MRC2: variants seen among roughly 807,000 people sequenced by gnomAD.
MRC2 encodes mannose receptor C-type 2, also known as C-type mannose receptor 2.
MRC2 carries 84 observed loss-of-function variants against 206.2 expected under a neutral mutation model. The observed-to-expected ratio is 0.41, with a 90% CI of 0.34 to 0.49. The LOEUF (loss-of-function observed/expected upper bound fraction) is 0.49, where lower values mean the gene tolerates loss of function less well. MRC2 is among the 20% of genes least tolerant of loss of function. The pLI, the probability that MRC2 is intolerant of heterozygous loss-of-function variation, is 0.31. For missense variants in MRC2, 1,676 were observed against 2,001.5 expected, an observed-to-expected ratio of 0.84 and a Z score of 3.10; for synonymous variants, 798 against 800.0, an observed-to-expected ratio of 1.00 and a Z score of 0.04.
chr17:62,650,347 G>A (rs554576328), intron 1 of MRC2, among the ~76,000 whole-genome samples: 34 of 152,344 alleles, frequency 2.2e-4, no homozygotes, highest in African/African-American at 7.5e-4. Context: ...GTGGCAAACC[G>A]GTGAGCCCAC....
Position 62,640,993 on chromosome 17 carries a change from C to A in MRC2, c.118+13073C>A, listed in dbSNP as rs548922732. On this transcript the variant is annotated intron_variant, in intron 1 of 29. Transcript: ENST00000303375. ...AAAGTGCTGAGATTACAGGCGTGAG[C>A]CACTGTGCCCGGCCTAATTTTTTTT... Among the ~76,000 whole-genome samples the A allele has an allele frequency of 8.6e-4, 131 of 151,850 alleles. 1 individual carries two copies. Among genetic ancestry groups the A allele is most frequent in the African/African-American group, 3.1e-3 (127 of 41,418 alleles).
chr17:62,685,749 C>G (rs2089023896), intron 20 of MRC2, among the ~76,000 whole-genome samples: 1 of 152,052 alleles, frequency 6.6e-6, no homozygotes, highest in African/African-American at 2.4e-5. Flanking sequence ...GCCATGTTGT[C>G]CAGGCTGGTT....
chr17:62,631,124 A>G lies in MRC2; in HGVS notation c.118+3204A>G, dbSNP rs538091409. 2.0e-4 allele frequency among the ~76,000 whole-genome samples: 31 copies of G among 152,240 alleles called. No homozygotes were observed. In the Middle Eastern group the frequency reaches 0.014, roughly 67 times the overall value. ...ACGTAGGGCACCGTGACTTGGCTCA[A>G]TGAGATGATTTCGGAAGTGCCATGC... On this transcript the variant is annotated intron_variant, in intron 1 of 29. Coordinates refer to ENST00000303375, the MANE Select transcript of MRC2 (RefSeq NM_006039.5).
Position 62,680,955 on chromosome 17 carries a change from CAGA to C in MRC2, c.2632_2634del (p.Lys878del), listed in dbSNP as rs763902677. On this transcript the variant is annotated inframe_deletion and splice_region_variant, in exon 17 of 30. Transcript: ENST00000303375. The surrounding 1 kb of genome is among the most constrained non-coding windows in gnomAD (Gnocchi z 4.8). The stretch of plus-strand genomic sequence containing the variant: ...GCTAGACTTCCTGAGCCACAACTTG[CAGA>C]AGGTGGGCATTGGATTGAGCAGGGG... 1 of 1,612,854 alleles carries C rather than the reference CAGA, an allele frequency of 6.2e-7. No individual in the cohort carries two copies. The highest frequency in any genetic ancestry group is 8.5e-7 in the Non-Finnish European group (1 of 1,179,748).
chr17:62,684,497 G>C (rs942197640), intron 20 of MRC2, among the ~76,000 whole-genome samples: 1 of 152,152 alleles, frequency 6.6e-6, no homozygotes, highest in Non-Finnish European at 1.5e-5. Flanking sequence ...TTCTCAACAC[G>C]TTTTTACAAC....
At chr17:62,640,396 T>C (rs1663303637) in intron 1 of MRC2, among the ~76,000 whole-genome samples, 1 of 152,166 alleles carries the variant, frequency 6.6e-6, no homozygotes. Flanking sequence ...GCCAACACCG[T>C]GGTGAGCAGG....
intron 19 of MRC2, 78 bp from the exon 20 acceptor site, chr17:62,682,157 T>C (rs1234745876): frequency 7.1e-7 from 1 of 1,407,276 alleles, no homozygotes; most frequent in Admixed American, 2.6e-5. Context: ...TCTCAGGGCA[T>C]GAGGCTGAGT....
At chr17:62,636,845 G>A (rs189507865) in intron 1 of MRC2, among the ~76,000 whole-genome samples, 3 of 151,988 alleles carry the variant, frequency 2.0e-5, no homozygotes, top group African/African-American at 4.8e-5. Flanking sequence ...GGGCTCATGC[G>A]ATTCTTCTGC....
rs577078970 is a variant in MRC2 at position 62,636,685 on chromosome 17, G to C, written c.118+8765G>C. Among the ~76,000 whole-genome samples the C allele has an allele frequency of 3.3e-5, 5 of 151,990 alleles. No homozygotes were observed. The South Asian group carries it at 8.3e-4, about 25-fold the overall frequency. On this transcript the variant is annotated intron_variant, in intron 1 of 29. Transcript: ENST00000303375. Reference sequence around the variant, plus strand: ...GACGGGGTTTCACCGTGTTAGCCAGGATGGTCTCAACCTCCTGACCTCGTG... The same window carrying C: ...GACGGGGTTTCACCGTGTTAGCCAGCATGGTCTCAACCTCCTGACCTCGTG...
chr17:62,670,149 T>G (rs1018821953), intron 6 of MRC2, among the ~76,000 whole-genome samples: 1 of 152,176 alleles, frequency 6.6e-6, no homozygotes, highest in Non-Finnish European at 1.5e-5. Context: ...GCCCAGCCCA[T>G]ATCTCTCTGC....
Position 62,668,034 on chromosome 17 carries a change from G to A in MRC2, c.1117+501G>A, listed in dbSNP as rs537333413. On this transcript the variant is annotated intron_variant, in intron 6 of 29. Transcript: ENST00000303375. ...GGAAGAGCATATGCAAAGGTGTGGA[G>A]GCCTAGAACTACACTGCAGCTTTAA... Among the ~76,000 whole-genome samples, 4 of 152,208 alleles carry A rather than the reference G, an allele frequency of 2.6e-5. No homozygotes were observed. The South Asian group carries it at 6.2e-4, about 24-fold the overall frequency.
In MRC2 at chr17:62,627,721, C is replaced by T; in HGVS notation, c.-82C>T. 1.8e-6 allele frequency: 2 copies of T among 1,139,922 alleles called. No homozygotes were observed. Among genetic ancestry groups the T allele is most frequent in the Non-Finnish European group, 2.3e-6 (2 of 872,194 alleles). 70.6% of individuals were successfully genotyped at this position (1,139,922 alleles called of 1,614,324 possible). ...ACGCGAGCCCCTTGCGGGCGGTCAT[C>T]ACAGCCCAGCCTCGGGGCTGCCACA... On this transcript the variant is annotated 5_prime_UTR_variant, in exon 1 of 30. Coordinates refer to ENST00000303375, the MANE Select transcript of MRC2 (RefSeq NM_006039.5).
At chr17:62,635,741 G>A (rs2088305621) in intron 1 of MRC2, among the ~76,000 whole-genome samples, 1 of 152,102 alleles carries the variant, frequency 6.6e-6, no homozygotes. Flanking sequence ...CTTGAGGCCA[G>A]GAGTTTGAGA....
Position 62,675,003 on chromosome 17 carries a change from T to C in MRC2, c.1570-787T>C, listed in dbSNP as rs889625247. ...GGAAACACTAACAGGCATGGCCCCATGGGCGAGGAAGCAGAGGGGAGAGCA... is the reference window on the plus strand; with the variant it reads ...GGAAACACTAACAGGCATGGCCCCACGGGCGAGGAAGCAGAGGGGAGAGCA... On this transcript the variant is annotated intron_variant, in intron 9 of 29. Transcript: ENST00000303375. The surrounding 1 kb of genome is among the most constrained non-coding windows in gnomAD (Gnocchi z 4.1). 7.2e-5 allele frequency among the ~76,000 whole-genome samples: 11 copies of C among 152,074 alleles called. No homozygotes were observed. The highest frequency in any genetic ancestry group is 3.9e-4 in the East Asian group (2 of 5,186).
At position 62,671,714 on chromosome 17, in the gene MRC2, C is replaced by G; in HGVS notation, c.1183C>G (p.Arg395Gly). 2 of 1,612,502 alleles carry G rather than the reference C, an allele frequency of 1.2e-6. No homozygotes were observed. Among genetic ancestry groups the G allele is most frequent in the African/African-American group, 1.3e-5 (1 of 75,022 alleles). ...SWQPFQGHCY[R>G]LQAEKRSWQE... ...GCAGCCCTTCCAGGGCCACTGCTAC[C>G]GCCTGCAGGCCGAGAAGCGCAGCTG... The change falls in exon 7 of 30, where the codon CGC becomes GGC. Residue 395 changes from arginine to glycine, a missense_variant. Physicochemically the swap from Arg to Gly is moderately radical, Grantham distance 125. Coordinates refer to ENST00000303375, the MANE Select transcript of MRC2 (RefSeq NM_006039.5). The surrounding 1 kb of genome is among the most constrained non-coding windows in gnomAD (Gnocchi z 4.5).
intron 1 of MRC2, among the ~76,000 whole-genome samples, chr17:62,637,776 C>G (rs562512420): frequency 6.6e-6 from 1 of 152,330 alleles, no homozygotes; most frequent in East Asian, 1.9e-4. Context: ...CACGGCTGCT[C>G]TAGCATTTTA....
Position 62,671,693 on chromosome 17 carries a change from C to A in MRC2, c.1162C>A (p.Pro388Thr). ...GGTGGAGTGCGAGCCGAGCTGGCAG[C>A]CCTTCCAGGGCCACTGCTACCGCCT... ...VKVECEPSWQ[P>T]FQGHCYRLQA... Residue 388 changes from proline to threonine, a missense_variant, in exon 7 of 30, where the codon CCC becomes ACC. By Grantham distance (38) the Pro-to-Thr change is conservative. Around this residue, in one of 3 missense-constraint regions of MRC2, gnomAD observed 1,354 missense variants for 1,636.6 expected, o/e 0.83. Transcript: ENST00000303375. This position sits in a 1 kb window ranked among gnomAD's most constrained non-coding sequence, Gnocchi z 4.5. 6.2e-7 allele frequency: 1 copy of A among 1,607,884 alleles called. No homozygotes were observed.
intron 2 of MRC2, 110 bp from the exon 3 acceptor site, chr17:62,665,984 T>C (rs1241315748): frequency 5.9e-6 from 7 of 1,189,600 alleles, no homozygotes; most frequent in Non-Finnish European, 8.1e-6. Flanking sequence ...TGCTGATCCC[T>C]GTGAACACCC....
intron 1 of MRC2, among the ~76,000 whole-genome samples, chr17:62,635,722 G>A (rs2088305474): frequency 6.6e-6 from 1 of 152,156 alleles, no homozygotes; most frequent in Non-Finnish European, 1.5e-5. Flanking sequence ...GCCACGGGAG[G>A]AGAGACTGCT....
Sources: gnomAD v4.1 joint callset for allele counts (sites outside exome capture counted in the v4.1 genomes callset) on GRCh38, gnomAD v4.1.1 for gene constraint, gnomAD v4.1.1 regional missense constraint, Gnocchi (gnomAD v3.1) non-coding constraint, MANE v1.5 for transcripts, NCBI Gene and HGNC (gene_info 2026-07-23, HGNC 2026-07-21) for gene names.